The following ALDH1L2 variants were observed in gnomAD, a reference collection of about 807,000 sequenced individuals.
ALDH1L2 encodes the protein mitochondrial 10-formyltetrahydrofolate dehydrogenase.
A neutral mutation model predicts 111.0 loss-of-function variants in ALDH1L2; 91 were observed. The observed-to-expected ratio is 0.82, with a 90% CI of 0.69 to 0.98. The LOEUF (loss-of-function observed/expected upper bound fraction) is 0.98, where lower values mean the gene tolerates loss of function less well. Among genes scored for constraint, ALDH1L2 ranks in the 50% least tolerant of loss-of-function variants. The probability of loss-of-function intolerance (pLI) is 0.00; values close to 1 mark genes in which losing one functional copy is unlikely to be tolerated. For missense variants in ALDH1L2, 995 were observed against 1,126.8 expected, an observed-to-expected ratio of 0.88 and a Z score of 1.67; for synonymous variants, 374 against 392.6, an observed-to-expected ratio of 0.95 and a Z score of 0.56.
chr12:105,076,144 T>G (rs1878042415), intron 1 of ALDH1L2, among the ~76,000 whole-genome samples: 1 of 152,184 alleles, frequency 6.6e-6, no homozygotes, highest in Non-Finnish European at 1.5e-5. Context: ...ATGTTTAAAA[T>G]GTGGATTCCT....
chr12:105,030,334 A>T lies in ALDH1L2; in HGVS notation c.2506T>A (p.Phe836Ile). Residue 836 changes from phenylalanine (F) to isoleucine (I), a missense_variant, in exon 21 of 23, where the codon TTC becomes ATC. Transcript: ENST00000258494. ...SFGPIMVISK[F>I]QNGDIDGVLQ... is the part of the protein sequence containing the mutation. ...GTCTGAAGAACCTACCCATTTTGGA[A>T]TTTAGAAATGACCATAATAGGCCCA... is the stretch of plus-strand genomic sequence containing the variant. 1 of 1,609,560 alleles carries T rather than the reference A, an allele frequency of 6.2e-7. No homozygotes were observed. Among genetic ancestry groups the T allele is most frequent in the East Asian group, 2.2e-5 (1 of 44,786 alleles).
chr12:105,070,002 T>G (rs181937711), intron 3 of ALDH1L2, among the ~76,000 whole-genome samples: 1 of 152,198 alleles, frequency 6.6e-6, no homozygotes, highest in East Asian at 1.9e-4. Context: ...TTTCCTGAAA[T>G]GTACTTGAGA....
chr12:105,047,295 A>T (rs1875979706), intron 13 of ALDH1L2, among the ~76,000 whole-genome samples: 1 of 152,216 alleles, frequency 6.6e-6, no homozygotes, highest in Admixed American at 6.5e-5. Flanking sequence ...GGACAGGAAT[A>T]TGCCCAGATC....
rs1412792896 is a variant in ALDH1L2, at chr12:105,038,119, T to A, written c.2129A>T (p.Asp710Val). ...CTCTCTTACCATTCGCACAGCCTTGTCAAGTTCACAGTCATTAAATATTAT... is the reference window on the plus strand; with the variant it reads ...CTCTCTTACCATTCGCACAGCCTTGACAAGTTCACAGTCATTAAATATTAT... ...PLIIFNDCEL[D>V]KAVRMGMGAV... The change falls in exon 18 of 23, where the codon GAC becomes GTC. Residue 710 changes from aspartate (D) to valine (V), a missense_variant. Physicochemically the swap from Asp to Val is radical, Grantham distance 152 (BLOSUM62 -3). Coordinates refer to ENST00000258494, the MANE Select transcript of ALDH1L2 (RefSeq NM_001034173.4). 1 of 1,613,644 alleles carries A rather than the reference T, an allele frequency of 6.2e-7. No homozygotes were observed. Among genetic ancestry groups the A allele is most frequent in the Non-Finnish European group, 8.5e-7 (1 of 1,179,712 alleles).
At chr12:105,084,220 G>A (rs1162910933) in intron 1 of ALDH1L2, among the ~76,000 whole-genome samples, 169 bp downstream of exon 1, 1 of 152,140 alleles carries the variant, frequency 6.6e-6, no homozygotes, top group Non-Finnish European at 1.5e-5. Flanking sequence ...CTCCTCTGAG[G>A]TCTCTCTGTT....
chr12:105,036,510 TATTTTATA>T (rs1389650154), intron 18 of ALDH1L2, among the ~76,000 whole-genome samples: 33 of 71,670 alleles, frequency 4.6e-4, no homozygotes, highest in Non-Finnish European at 7.0e-4. Context: ...TGTATATATA[TATTTTATA>T]TATATATATA....
At chr12:105,058,297 A>C in intron 9 of ALDH1L2, 77 bp from the exon 10 acceptor site, 2 of 1,470,516 alleles carry the variant, frequency 1.4e-6, no homozygotes, top group Non-Finnish European at 1.8e-6. Flanking sequence ...GCACTTGTCA[A>C]GTTGTTTTGA....
At chr12:105,065,245 G>A in intron 6 of ALDH1L2, 22 bp downstream of exon 6, 1 of 1,274,286 alleles carries the variant, frequency 7.8e-7, no homozygotes, top group South Asian at 1.2e-5. Flanking sequence ...GGGGGGTGGG[G>A]GGAGTGGTCC....
chr12:105,061,571 C>A, intron 8 of ALDH1L2, 56 bp downstream of exon 8: 1 of 1,604,378 alleles, frequency 6.2e-7, no homozygotes, highest in Non-Finnish European at 8.5e-7. Flanking sequence ...GTACCAGTTA[C>A]GAACATGCTT....
At chr12:105,026,854 C>G (rs922187718) in intron 21 of ALDH1L2, 110 bp from the exon 22 acceptor site, 6 of 1,316,180 alleles carry the variant, frequency 4.6e-6, no homozygotes, top group Non-Finnish European at 6.3e-6. Flanking sequence ...TTACTGCCAT[C>G]TGCTTAAATG....
intron 13 of ALDH1L2, chr12:105,048,292 A>C (rs181417176): frequency 5.1e-4 from 78 of 152,316 alleles, no homozygotes; most frequent in African/African-American, 1.6e-3. Context: ...CTTTAACAAC[A>C]TCGGCTGATA....
chr12:105,052,767 A>G, intron 11 of ALDH1L2, 45 bp downstream of exon 11: 1 of 1,609,598 alleles, frequency 6.2e-7, no homozygotes, highest in Non-Finnish European at 8.5e-7. Context: ...TATTAACTAA[A>G]AATCCATGAC....
intron 4 of ALDH1L2, 113 bp downstream of exon 4, chr12:105,068,606 T>C: frequency 8.9e-7 from 1 of 1,128,656 alleles, no homozygotes; most frequent in Admixed American, 3.6e-5. Context: ...CTAATTTTGT[T>C]TTTAAACTTT....
rs764851848 is a variant in ALDH1L2 at position 105,022,080 on chromosome 12, G to T, written c.*2344C>A. 9.2e-5 allele frequency: 14 copies of T among 152,194 alleles called. No homozygotes were observed. Among genetic ancestry groups the T allele is most frequent in the African/African-American group, 1.2e-4 (5 of 41,440 alleles). The allele number at this position is 152,194 out of a possible 1,614,324, so 9.4% of individuals were successfully genotyped here. ...ATCCGTGATCTAAAGCAACAGCGAT[G>T]ATTTTATTACTCTATGTGTTAAGTA... On this transcript the variant is annotated 3_prime_UTR_variant, in exon 23 of 23. Transcript: ENST00000258494.
chr12:105,063,487 AAAAG>A lies in ALDH1L2; in HGVS notation c.787-469_787-466del, dbSNP rs576460420. ...CCAGACTCTGTCTCAAAGAAAAAAA[AAAAG>A]AAAGAAAGAAAGAAATGACACAAGG... On this transcript the variant is annotated intron_variant, in intron 6 of 22. Transcript: ENST00000258494. Among the ~76,000 whole-genome samples, 1,167 of 151,896 alleles carry A rather than the reference AAAAG, an allele frequency of 7.7e-3. 19 individuals carry two copies. Among genetic ancestry groups the A allele is most frequent in the African/African-American group, 0.026 (1,071 of 41,450 alleles).
chr12:105,071,920 T>A (rs1450188219), intron 2 of ALDH1L2, among the ~76,000 whole-genome samples: 1 of 149,666 alleles, frequency 6.7e-6, no homozygotes, highest in Non-Finnish European at 1.5e-5. Flanking sequence ...GACCTCCATC[T>A]CTACCAAAAA....
intron 13 of ALDH1L2, among the ~76,000 whole-genome samples, chr12:105,048,859 C>T (rs550224170): frequency 1.4e-4 from 21 of 151,924 alleles, no homozygotes; most frequent in Non-Finnish European, 2.9e-4. Flanking sequence ...GGTGAAACCC[C>T]GTCTCTGCTA....
chr12:105,070,641 A>G lies in ALDH1L2; in HGVS notation c.357T>C (p.Ser119=). ...GATAAATGATAGAGCCGTGCTTTGG[A>G]CTATCAATTATATCCATGGGAATGA... ...TQFIPMDIID[S]PKHGSIIYHP... is the part of the protein sequence containing the mutation. Residue 119 remains serine (S), a synonymous_variant, in exon 3 of 23, where the codon AGT becomes AGC. Coordinates refer to ENST00000258494, the MANE Select transcript of ALDH1L2 (RefSeq NM_001034173.4). 1.2e-6 allele frequency: 2 copies of G among 1,614,136 alleles called. No homozygotes were observed. Among genetic ancestry groups the G allele is most frequent in the Non-Finnish European group, 1.7e-6 (2 of 1,180,002 alleles).
chr12:105,036,567 A>AT (rs1875163195), intron 18 of ALDH1L2, among the ~76,000 whole-genome samples: 1 of 47,042 alleles, frequency 2.1e-5, no homozygotes, highest in Non-Finnish European at 3.5e-5. Flanking sequence ...TATATATATA[A>AT]AATGGATGTG....
Sources: allele counts gnomAD v4.1 joint callset (sites outside exome capture counted in the v4.1 genomes callset), GRCh38; gene constraint gnomAD v4.1.1; transcripts MANE v1.5; gene names NCBI Gene and HGNC (gene_info 2026-07-23, HGNC 2026-07-21).